Variants in ADAMTSL3 observed in about 807,000 individuals in gnomAD.
ADAMTSL3 encodes ADAMTS-like protein 3.
ADAMTSL3 carries 128 observed loss-of-function variants against 201.7 expected under a neutral mutation model. The ratio of observed to expected loss-of-function variants is 0.63; its 90% confidence interval spans 0.55 to 0.73. The LOEUF is 0.73. Ranked by LOEUF, ADAMTSL3 falls within the 30% of genes least tolerant of loss-of-function variation. The pLI is 0.00. For synonymous variants in ADAMTSL3, 738 were observed against 748.4 expected (o/e 0.99, Z 0.23); for missense variants, 1,990 against 2,119.6 (o/e 0.94, Z 1.20).
intron 9 of ADAMTSL3, among the ~76,000 whole-genome samples, chr15:83,881,732 G>A (rs1298327516): frequency 6.6e-6 from 1 of 152,092 alleles, no homozygotes; most frequent in Non-Finnish European, 1.5e-5. Flanking sequence ...GTGTGCGCCT[G>A]TAATCACAGC....
At chr15:83,657,505 A>G (rs1249346788) in intron 2 of ADAMTSL3, among the ~76,000 whole-genome samples, 1 of 152,250 alleles carries the variant, frequency 6.6e-6, no homozygotes, top group African/African-American at 2.4e-5. Flanking sequence ...ACGTCTCTGC[A>G]TCGCATCTCA....
chr15:83,815,940 C>T (rs534331185), intron 5 of ADAMTSL3, among the ~76,000 whole-genome samples: 5 of 152,074 alleles, frequency 3.3e-5, no homozygotes, highest in Non-Finnish European at 7.4e-5. Context: ...AAGCATGATC[C>T]GGATATCAGG....
At chr15:83,655,635 T>C (rs1567052978) in intron 1 of ADAMTSL3, 94 bp from the exon 2 acceptor site, 1 of 876,816 alleles carries the variant, frequency 1.1e-6, no homozygotes, top group Non-Finnish European at 1.8e-6. Flanking sequence ...GTATATGGGC[T>C]TCAGGGTCCC....
chr15:83,843,006 G>GT lies in ADAMTSL3; in HGVS notation c.727+4792dup, dbSNP rs2064414223. ...AAAGGGCAGTCTTATTTGGAGAAGTGTGCAGAAGAGGTACTGAAATGCAAG... is the reference window on the plus strand; with the variant it reads ...AAAGGGCAGTCTTATTTGGAGAAGTGTTGCAGAAGAGGTACTGAAATGCAAG... On this transcript the variant is annotated intron_variant, in intron 7 of 29. Coordinates refer to ENST00000286744, the MANE Select transcript of ADAMTSL3 (RefSeq NM_207517.3). 2.6e-5 allele frequency among the ~76,000 whole-genome samples: 4 copies of GT among 152,332 alleles called. No individual in the cohort carries two copies. The South Asian group carries it at 8.3e-4, about 32-fold the overall frequency.
At chr15:83,845,180 G>T (rs1373213244) in intron 7 of ADAMTSL3, among the ~76,000 whole-genome samples, 1 of 152,204 alleles carries the variant, frequency 6.6e-6, no homozygotes, top group African/African-American at 2.4e-5. Flanking sequence ...CGTAAAGTAG[G>T]CCCTTCTCTT....
At chr15:83,693,537 C>T (rs1424360414) in intron 2 of ADAMTSL3, among the ~76,000 whole-genome samples, 2 of 152,054 alleles carry the variant, frequency 1.3e-5, no homozygotes, top group East Asian at 3.9e-4. Flanking sequence ...TTTGAAATCT[C>T]CAAGGAAGAT....
At position 83,913,387 on chromosome 15, in the gene ADAMTSL3, A is replaced by G. The variant is rs775525281; in HGVS notation, c.1987+9A>G. The G allele has an allele frequency of 1.2e-6, 2 of 1,611,006 alleles. No individual in the cohort carries two copies. The highest frequency in any genetic ancestry group is 1.1e-5 in the South Asian group (1 of 90,950). ...AGCAACATGCGTGGGAGGTATTTGAACCTTTGCTTAAGGGACAGTTATGTT... is the reference window on the plus strand; with the variant it reads ...AGCAACATGCGTGGGAGGTATTTGAGCCTTTGCTTAAGGGACAGTTATGTT... On this transcript the variant is annotated intron_variant, in intron 16 of 29. Transcript: ENST00000286744.
At chr15:83,841,179 A>G (rs2064367472) in intron 7 of ADAMTSL3, among the ~76,000 whole-genome samples, 2 of 152,234 alleles carry the variant, frequency 1.3e-5, no homozygotes, top group South Asian at 4.1e-4. Flanking sequence ...GCTATTACTA[A>G]TATTGATCAA....
At chr15:83,886,551 T>C (rs1269145860) in intron 10 of ADAMTSL3, among the ~76,000 whole-genome samples, 1 of 152,198 alleles carries the variant, frequency 6.6e-6, no homozygotes, top group Non-Finnish European at 1.5e-5. Flanking sequence ...TAAATGACTT[T>C]GCCCTTTGCC....
chr15:83,775,279 C>T (rs558128825), intron 4 of ADAMTSL3, among the ~76,000 whole-genome samples: 1 of 151,360 alleles, frequency 6.6e-6, no homozygotes, highest in Non-Finnish European at 1.5e-5. Flanking sequence ...TCTCAGAAGT[C>T]TGAATAATTT....
intron 23 of ADAMTSL3, among the ~76,000 whole-genome samples, chr15:84,011,603 C>A (rs1194303284): frequency 6.6e-6 from 1 of 151,428 alleles, no homozygotes; most frequent in Non-Finnish European, 1.5e-5. Flanking sequence ...GACACTAATA[C>A]AATAAGACAA....
chr15:83,894,462 G>A (rs953661515), intron 13 of ADAMTSL3, among the ~76,000 whole-genome samples: 11 of 152,132 alleles, frequency 7.2e-5, no homozygotes, highest in African/African-American at 2.7e-4. Flanking sequence ...TAAAATAAGA[G>A]TGTTGCAGCA....
chr15:83,799,498 T>C (rs1023032371), intron 4 of ADAMTSL3, among the ~76,000 whole-genome samples: 1 of 152,176 alleles, frequency 6.6e-6, no homozygotes, highest in Non-Finnish European at 1.5e-5. Flanking sequence ...TTAAGTTAAC[T>C]ACTATTTTAA....
At chr15:83,703,897 G>C (rs1449817212) in intron 2 of ADAMTSL3, among the ~76,000 whole-genome samples, 1 of 151,406 alleles carries the variant, frequency 6.6e-6, no homozygotes, top group Non-Finnish European at 1.5e-5. Flanking sequence ...AAAGATTATG[G>C]GTGATTTTAT....
chr15:83,930,659 T>C (rs879787594), intron 17 of ADAMTSL3, among the ~76,000 whole-genome samples: 7 of 152,286 alleles, frequency 4.6e-5, no homozygotes, highest in Non-Finnish European at 1.0e-4. Context: ...CTTTGCAAAA[T>C]TAAGAGTCTG....
chr15:83,856,307 A>C (rs1301768858), intron 7 of ADAMTSL3, among the ~76,000 whole-genome samples: 1 of 151,292 alleles, frequency 6.6e-6, no homozygotes, highest in Non-Finnish European at 1.5e-5. Context: ...AGCTGGGATT[A>C]CAGGCACACA....
intron 15 of ADAMTSL3, among the ~76,000 whole-genome samples, chr15:83,906,805 ATATT>A (rs893503925): frequency 2.0e-5 from 3 of 151,692 alleles, no homozygotes; most frequent in Non-Finnish European, 4.4e-5. Context: ...TTCTTTCCTA[ATATT>A]TATACCTGCT....
intron 24 of ADAMTSL3, among the ~76,000 whole-genome samples, chr15:84,015,007 A>G (rs1465652149): frequency 6.6e-6 from 1 of 151,864 alleles, no homozygotes; most frequent in Non-Finnish European, 1.5e-5. Context: ...GTGCAGTGGC[A>G]CAATCTCGGC....
chr15:83,827,697 A>G (rs892502565), intron 6 of ADAMTSL3, among the ~76,000 whole-genome samples: 1 of 152,188 alleles, frequency 6.6e-6, no homozygotes, highest in African/African-American at 2.4e-5. Context: ...TATAAGGTGC[A>G]AGGAAGGGAT....
Sources: gnomAD v4.1 joint callset for allele counts (sites outside exome capture counted in the v4.1 genomes callset) on GRCh38, gnomAD v4.1.1 for gene constraint, MANE v1.5 for transcripts, NCBI Gene and HGNC (gene_info 2026-07-23, HGNC 2026-07-21) for gene names.